NME7: variants seen among roughly 807,000 people sequenced by gnomAD.
NME7 encodes the protein nucleoside diphosphate kinase 7.
Under a neutral mutation model 49.1 loss-of-function variants are expected in NME7, and 41 were observed. The ratio of observed to expected loss-of-function variants is 0.83; its 90% CI spans 0.65 to 1.08. NME7 has a LOEUF of 1.08. Ranked by LOEUF, NME7 falls within the 50% of genes least tolerant of loss-of-function variation. The probability of loss-of-function intolerance (pLI) is 0.00; values close to 1 mark genes in which losing one functional copy is unlikely to be tolerated. For missense variants in NME7, 423 were observed against 463.4 expected, an observed-to-expected ratio of 0.91 and a Z score of 0.80; for synonymous variants, 139 against 150.6, an observed-to-expected ratio of 0.92 and a Z score of 0.56.
rs1232513224 is a variant in NME7, at chr1:169,222,113, C to CCAACTTATAATCAAATCCTATCT, written c.990+8582_990+8604dup. Among the ~76,000 whole-genome samples, 300 of 151,694 alleles carry CCAACTTATAATCAAATCCTATCT rather than the reference C, an allele frequency of 2.0e-3. 3 individuals are homozygous for CCAACTTATAATCAAATCCTATCT. Among genetic ancestry groups the CCAACTTATAATCAAATCCTATCT allele is most frequent in the African/African-American group, 7.0e-3 (291 of 41,320 alleles). On this transcript the variant is annotated intron_variant, in intron 10 of 11. Transcript: ENST00000367811. ...CTTAGTGAGCCCTTCTCTGATGACTCCAACTTATAATCAAATCCTATCTAC... is the reference window on the plus strand; with the variant it reads ...CTTAGTGAGCCCTTCTCTGATGACTCCAACTTATAATCAAATCCTATCTCAACTTATAATCAAATCCTATCTAC...
chr1:169,194,030 T>A (rs1237996620), intron 10 of NME7, among the ~76,000 whole-genome samples: 1 of 151,536 alleles, frequency 6.6e-6, no homozygotes, highest in Admixed American at 6.6e-5. Context: ...ATCATTCAGA[T>A]AAACATACTG....
intron 10 of NME7, among the ~76,000 whole-genome samples, chr1:169,213,037 T>G (rs1373086743): frequency 6.6e-6 from 1 of 152,140 alleles, no homozygotes; most frequent in Admixed American, 6.6e-5. Flanking sequence ...GCCGAAGAGC[T>G]GTCAAGAGTC....
intron 10 of NME7, among the ~76,000 whole-genome samples, chr1:169,176,954 T>C (rs1057301050): frequency 7.2e-5 from 11 of 152,154 alleles, no homozygotes; most frequent in African/African-American, 2.7e-4. Context: ...AAATACATTT[T>C]AAGACATTTA....
At chr1:169,316,117 A>C (rs1450313508) in intron 3 of NME7, among the ~76,000 whole-genome samples, 1 of 152,060 alleles carries the variant, frequency 6.6e-6, no homozygotes, top group Non-Finnish European at 1.5e-5. Flanking sequence ...GGACAGGTTG[A>C]TATGCAAGAA....
rs188934101 is a variant in NME7 at position 169,327,458 on chromosome 1, T to G, written c.4-2958A>C. On this transcript the variant is annotated intron_variant, in intron 1 of 11. Transcript: ENST00000367811. Reference sequence around the variant, plus strand: ...GAAATCTTAAAGTCTTAAAGGAAAATGTGTATTATTATACCAGAAGTCTTG... The same window carrying G: ...GAAATCTTAAAGTCTTAAAGGAAAAGGTGTATTATTATACCAGAAGTCTTG... 1.2e-3 allele frequency among the ~76,000 whole-genome samples: 186 copies of G among 152,266 alleles called. 1 individual carries two copies. Among genetic ancestry groups the G allele is most frequent in the African/African-American group, 4.1e-3 (172 of 41,532 alleles).
intron 7 of NME7, among the ~76,000 whole-genome samples, chr1:169,252,118 T>C (rs914886024): frequency 3.6e-4 from 54 of 149,864 alleles, no homozygotes; most frequent in East Asian, 1.4e-3. Flanking sequence ...CAGTTCTAGA[T>C]CCCTGAGGAA....
At chr1:169,160,995 A>G (rs141758049) in intron 11 of NME7, among the ~76,000 whole-genome samples, 62 of 151,800 alleles carry the variant, frequency 4.1e-4, no homozygotes, top group African/African-American at 1.4e-3. Context: ...GTCCCCCTAG[A>G]CTCCACCCAC....
chr1:169,244,458 C>T (rs1648225591), intron 7 of NME7, among the ~76,000 whole-genome samples: 1 of 151,530 alleles, frequency 6.6e-6, no homozygotes, highest in Non-Finnish European at 1.5e-5. Context: ...ACGGTGAAAC[C>T]TCATCTCTAC....
intron 2 of NME7, 84 bp from the exon 3 acceptor site, chr1:169,323,367 T>G: frequency 1.8e-6 from 2 of 1,103,542 alleles, no homozygotes; most frequent in Non-Finnish European, 2.4e-6. Flanking sequence ...GTAGAAATAA[T>G]TCTTAATTCT....
intron 7 of NME7, among the ~76,000 whole-genome samples, chr1:169,254,845 T>C (rs12073338): frequency 0.073 from 7,835 of 107,432 alleles, 1,230 homozygotes; most frequent in East Asian, 0.19. Flanking sequence ...CAGGAGCAGG[T>C]TGTTCAGTTT....
intron 5 of NME7, among the ~76,000 whole-genome samples, chr1:169,301,622 C>A (rs1490701719): frequency 2.0e-5 from 3 of 152,072 alleles, no homozygotes; most frequent in East Asian, 1.9e-4. Context: ...TGCCCTCATA[C>A]ACTCATTGCT....
rs983264322 is a variant in NME7, at chr1:169,189,033, A to C, written c.991-19479T>G. 7.9e-5 allele frequency among the ~76,000 whole-genome samples: 12 copies of C among 152,206 alleles called. No homozygotes were observed. In the South Asian group the frequency reaches 1.0e-3, roughly 13 times the overall value. Reference sequence around the variant, plus strand: ...GAGTAATAATGTGGCTACCCATAACAAAAGTACAGGATTTCATGGCATGCA... The same window carrying C: ...GAGTAATAATGTGGCTACCCATAACCAAAGTACAGGATTTCATGGCATGCA... On this transcript the variant is annotated intron_variant, in intron 10 of 11. Coordinates refer to ENST00000367811, the MANE Select transcript of NME7 (RefSeq NM_013330.5).
Position 169,169,401 on chromosome 1 carries a change from T to A in NME7, c.1098+46A>T, listed in dbSNP as rs779224561. On this transcript the variant is annotated intron_variant, in intron 11 of 11. Transcript: ENST00000367811. ...TACACATCAGAACTCCTGAGATAAT[T>A]TATGAGCTTGAAATATAAATAGGAT... The A allele has an allele frequency of 9.8e-6, 15 of 1,524,478 alleles. No individual in the cohort carries two copies. The Admixed American group carries it at 2.5e-4, about 25-fold the overall frequency. 94.4% of individuals were successfully genotyped at this position (1,524,478 alleles called of 1,614,324 possible).
chr1:169,282,133 A>G (rs12723917), intron 7 of NME7, among the ~76,000 whole-genome samples: 37,242 of 152,002 alleles, frequency 0.25, 5,533 homozygotes, highest in Non-Finnish European at 0.34. Context: ...AGAACCTGTT[A>G]TTGGTCTGTT....
intron 10 of NME7, among the ~76,000 whole-genome samples, chr1:169,180,804 C>T (rs1659904071): frequency 6.6e-6 from 1 of 152,038 alleles, no homozygotes; most frequent in Non-Finnish European, 1.5e-5. Flanking sequence ...AGCTTTTTTA[C>T]ATTCTTAATT....
At chr1:169,265,654 G>C (rs1427401892) in intron 7 of NME7, among the ~76,000 whole-genome samples, 1 of 127,798 alleles carries the variant, frequency 7.8e-6, no homozygotes. Flanking sequence ...GGAGGAGATA[G>C]AGACAAAAAA....
At chr1:169,324,723 TATGG>T (rs1651994718) in intron 1 of NME7, among the ~76,000 whole-genome samples, 1 of 152,228 alleles carries the variant, frequency 6.6e-6, no homozygotes, top group South Asian at 2.1e-4. Flanking sequence ...AAAGATGACT[TATGG>T]ATTGCTTTTT....
intron 7 of NME7, among the ~76,000 whole-genome samples, chr1:169,283,356 G>C (rs571450727): frequency 6.6e-6 from 1 of 152,002 alleles, no homozygotes; most frequent in East Asian, 1.9e-4. Flanking sequence ...AGTGAGATGG[G>C]TCTCCTGAAT....
intron 4 of NME7, among the ~76,000 whole-genome samples, chr1:169,303,952 C>T (rs1239254987): frequency 2.0e-5 from 3 of 152,092 alleles, no homozygotes; most frequent in African/African-American, 7.2e-5. Flanking sequence ...ATGTTTATAG[C>T]TTTTTTTCTT....
Sources: allele counts gnomAD v4.1 joint callset (sites outside exome capture counted in the v4.1 genomes callset), GRCh38; gene constraint gnomAD v4.1.1; transcripts MANE v1.5; gene names NCBI Gene and HGNC (gene_info 2026-07-23, HGNC 2026-07-21).